Variants in SYCP2L observed in about 807,000 individuals in gnomAD.
SYCP2L encodes synaptonemal complex protein 2-like.
SYCP2L carries 98 observed loss-of-function variants against 125.8 expected under a neutral mutation model. The observed-to-expected ratio is 0.78, with a 90% CI of 0.66 to 0.92. The LOEUF is 0.92. Among genes scored for constraint, SYCP2L ranks in the 40% least tolerant of loss-of-function variants. The pLI, the probability that SYCP2L is intolerant of heterozygous loss-of-function variation, is 0.00. For synonymous variants in SYCP2L, 317 were observed against 325.4 expected, an observed-to-expected ratio of 0.97 and a Z score of 0.28; for missense variants, 842 against 936.4, an observed-to-expected ratio of 0.90 and a Z score of 1.32.
At chr6:10,928,623 C>CAGCCTCCCAGGCTCATGTG (rs1561690775) in intron 18 of SYCP2L, among the ~76,000 whole-genome samples, 173 bp downstream of exon 18, 4 of 152,230 alleles carry the variant, frequency 2.6e-5, no homozygotes, top group African/African-American at 9.6e-5. Context: ...ACCGTGGCCT[C>CAGCCTCCCAGGCTCATGTG]AGCCTCCCAG....
At chr6:10,902,204 C>T (rs1220550680) in intron 6 of SYCP2L, among the ~76,000 whole-genome samples, 1 of 152,176 alleles carries the variant, frequency 6.6e-6, no homozygotes, top group Non-Finnish European at 1.5e-5. Flanking sequence ...ACCAAAAAGT[C>T]CATTACAGTT....
intron 16 of SYCP2L, among the ~76,000 whole-genome samples, chr6:10,926,985 T>C (rs1780908981): frequency 6.6e-6 from 1 of 152,152 alleles, no homozygotes; most frequent in East Asian, 1.9e-4. Flanking sequence ...TTTGCCATGT[T>C]GGCCAGGCTG....
intron 23 of SYCP2L, among the ~76,000 whole-genome samples, chr6:10,950,391 G>A (rs1410755849): frequency 6.6e-6 from 1 of 151,680 alleles, no homozygotes; most frequent in African/African-American, 2.4e-5. Flanking sequence ...GTTCTCTGTT[G>A]GTATTACTTT....
intron 1 of SYCP2L, among the ~76,000 whole-genome samples, chr6:10,888,375 G>A (rs1338370990): frequency 6.6e-6 from 1 of 152,206 alleles, no homozygotes; most frequent in African/African-American, 2.4e-5. Context: ...GATTACAGGC[G>A]TGAGCCACAG....
chr6:10,948,878 C>T (rs78791634), intron 23 of SYCP2L, among the ~76,000 whole-genome samples: 4,102 of 152,172 alleles, frequency 0.027, 154 homozygotes, highest in East Asian at 0.2. Flanking sequence ...CTGATATACC[C>T]AAGTTCTCTA....
intron 2 of SYCP2L, among the ~76,000 whole-genome samples, chr6:10,893,625 C>G (rs773617129): frequency 6.6e-6 from 1 of 152,074 alleles, no homozygotes. Flanking sequence ...TAAGAAGTCC[C>G]CAGGTGATGC....
Position 10,898,835 on chromosome 6 carries a change from G to T in SYCP2L, c.453G>T (p.Arg151Ser). 7.2e-7 allele frequency: 1 copy of T among 1,393,804 alleles called. No homozygotes were observed. The highest frequency in any genetic ancestry group is 1.0e-6 in the Non-Finnish European group (1 of 985,746). The allele number at this position is 1,393,804 out of a possible 1,614,324, so 86.3% of individuals were successfully genotyped here. A position where few individuals can be genotyped will look rare whatever the true frequency, so the allele number is the denominator to read the frequency against. The change falls in exon 6 of 30, where the codon AGG (arginine) becomes AGT (serine). Residue 151 changes from arginine to serine, a missense_variant. Transcript: ENST00000283141. ...TTTCTTTTTGTTAGATTATTTCCAG[G>T]AGTAGTAGTGAAGGTAAGTATATTA... Reference protein sequence around the residue: ...DFFDTALIISRSSSEGKIQML... With the variant: ...DFFDTALIISSSSSEGKIQML...
intron 14 of SYCP2L, among the ~76,000 whole-genome samples, chr6:10,919,191 C>T (rs1780746816): frequency 2.6e-5 from 4 of 152,120 alleles, no homozygotes; most frequent in Admixed American, 2.6e-4. Context: ...GGTTCTTTCT[C>T]ATTTGGGTAG....
chr6:10,897,608 A>G (rs1405241478), intron 4 of SYCP2L, among the ~76,000 whole-genome samples: 4 of 152,082 alleles, frequency 2.6e-5, no homozygotes, highest in Non-Finnish European at 5.9e-5. Context: ...GACGAAGTTT[A>G]ACCATCTTTC....
intron 29 of SYCP2L, among the ~76,000 whole-genome samples, chr6:10,966,272 C>T (rs9468124): frequency 1.3e-5 from 2 of 152,104 alleles, no homozygotes; most frequent in East Asian, 1.9e-4. Context: ...TCTACTAATA[C>T]ATTAATTACC....
intron 20 of SYCP2L, among the ~76,000 whole-genome samples, chr6:10,932,588 C>T (rs1781014767): frequency 6.6e-6 from 1 of 152,100 alleles, no homozygotes; most frequent in African/African-American, 2.4e-5. Flanking sequence ...GGCTCTCATG[C>T]TCTGTAAGGA....
intron 26 of SYCP2L, among the ~76,000 whole-genome samples, chr6:10,960,849 G>C (rs578184491): frequency 1.3e-5 from 2 of 152,204 alleles, no homozygotes; most frequent in African/African-American, 4.8e-5. Context: ...GCTGAGGCAG[G>C]CGGATCACCT....
intron 10 of SYCP2L, among the ~76,000 whole-genome samples, chr6:10,908,267 T>A (rs914946559): frequency 3.9e-5 from 6 of 152,152 alleles, no homozygotes; most frequent in Non-Finnish European, 8.8e-5. Context: ...GTGAGCAATT[T>A]TCAATGAACC....
At chr6:10,897,143 G>A (rs1780271009) in intron 4 of SYCP2L, among the ~76,000 whole-genome samples, 1 of 152,184 alleles carries the variant, frequency 6.6e-6, no homozygotes, top group African/African-American at 2.4e-5. Context: ...GAGTGGGGGA[G>A]GAAAGGTTGC....
At chr6:10,913,895 G>A (rs578099995) in intron 14 of SYCP2L, among the ~76,000 whole-genome samples, 4 of 151,680 alleles carry the variant, frequency 2.6e-5, no homozygotes, top group African/African-American at 7.3e-5. Flanking sequence ...GCAATGGCGC[G>A]ATCTTGGCTC....
chr6:10,930,291 C>A, intron 18 of SYCP2L, 79 bp from the exon 19 acceptor site: 1 of 1,457,006 alleles, frequency 6.9e-7, no homozygotes. Context: ...TTATCTCTAG[C>A]TTTGTAGAAT....
intron 14 of SYCP2L, among the ~76,000 whole-genome samples, chr6:10,915,657 C>G (rs574139910): frequency 6.6e-6 from 1 of 152,268 alleles, no homozygotes; most frequent in African/African-American, 2.4e-5. Flanking sequence ...ATTCCTGCAT[C>G]CCTGGTATGA....
At chr6:10,936,796 T>C (rs1225734) in intron 21 of SYCP2L, among the ~76,000 whole-genome samples, 149,373 of 152,288 alleles carry the variant, frequency 0.98, 73,293 homozygotes, top group East Asian at 1. Flanking sequence ...AGGGATGTGG[T>C]TATACCTACA....
intron 29 of SYCP2L, among the ~76,000 whole-genome samples, chr6:10,965,888 G>A (rs1302760655): frequency 1.3e-5 from 2 of 152,208 alleles, no homozygotes. Context: ...CAAGGCGGGT[G>A]AATCACCTAA....
Sources: allele counts gnomAD v4.1 joint callset (sites outside exome capture counted in the v4.1 genomes callset), GRCh38; gene constraint gnomAD v4.1.1; transcripts MANE v1.5; gene names NCBI Gene and HGNC (gene_info 2026-07-23, HGNC 2026-07-21).